Variants in DOCK4 observed in about 807,000 individuals in gnomAD.
DOCK4 encodes dedicator of cytokinesis protein 4.
Under a neutral mutation model 268.1 loss-of-function variants are expected in DOCK4, and 97 were observed. That is an observed-to-expected ratio of 0.36 (90% CI 0.31 to 0.43). The LOEUF (loss-of-function observed/expected upper bound fraction) is 0.43. Ranked by LOEUF, DOCK4 falls within the 20% of genes least tolerant of loss-of-function variation. The probability of loss-of-function intolerance (pLI) is 1.00; values close to 1 mark genes in which losing one functional copy is unlikely to be tolerated. For missense variants in DOCK4, 2,145 were observed against 2,455.7 expected (o/e 0.87, Z 2.67); for synonymous variants, 954 against 887.2 (o/e 1.08, Z -1.34).
intron 13 of DOCK4, among the ~76,000 whole-genome samples, chr7:111,907,476 G>A (rs77276339): frequency 0.012 from 1,837 of 152,246 alleles, 32 homozygotes; most frequent in African/African-American, 0.04. Context: ...GGGCAGTGGG[G>A]ACCGTAAGCT....
intron 8 of DOCK4, chr7:111,976,692 G>A (rs1224136005): frequency 6.6e-6 from 1 of 152,210 alleles, no homozygotes; most frequent in Non-Finnish European, 1.5e-5. Context: ...TAATGGGAAG[G>A]TTTCTAAGTA....
At chr7:111,905,678 CATGT>C (rs1791501557) in intron 13 of DOCK4, among the ~76,000 whole-genome samples, 1 of 118,640 alleles carries the variant, frequency 8.4e-6, no homozygotes, top group African/African-American at 4.0e-5. Flanking sequence ...TATATATATG[CATGT>C]ATGTGTGTGT....
At chr7:111,938,845 T>C (rs1485609346) in intron 11 of DOCK4, among the ~76,000 whole-genome samples, 2 of 151,866 alleles carry the variant, frequency 1.3e-5, no homozygotes, top group African/African-American at 2.4e-5. Flanking sequence ...CATGGTGGCA[T>C]GCGCCTGTAA....
intron 52 of DOCK4, among the ~76,000 whole-genome samples, chr7:111,730,396 G>C (rs17158768): frequency 0.013 from 1,968 of 152,184 alleles, 21 homozygotes; most frequent in African/African-American, 0.023. Flanking sequence ...GTGTTCTATG[G>C]TATACACTTT....
chr7:112,021,780 C>G (rs762118929), intron 1 of DOCK4, among the ~76,000 whole-genome samples: 1 of 152,104 alleles, frequency 6.6e-6, no homozygotes, highest in Non-Finnish European at 1.5e-5. Flanking sequence ...TCAAACACAA[C>G]TATACACAAA....
At chr7:111,907,559 T>A (rs899936861) in intron 13 of DOCK4, among the ~76,000 whole-genome samples, 89 of 152,118 alleles carry the variant, frequency 5.9e-4, no homozygotes, top group African/African-American at 2.0e-3. Flanking sequence ...GGTGACACAT[T>A]AGAATCTCGG....
In DOCK4 at chr7:111,952,835, T is replaced by C. The variant is rs140058889; in HGVS notation, c.702-7037A>G. Among the ~76,000 whole-genome samples the C allele has an allele frequency of 4.0e-3, 602 of 152,314 alleles. 6 individuals carry two copies. Among genetic ancestry groups the C allele is most frequent in the African/African-American group, 0.014 (564 of 41,564 alleles). On this transcript the variant is annotated intron_variant, in intron 8 of 52. Transcript: ENST00000428084. ...CTATTAAACTAATTGGAAAAACAAC[T>C]GTCATTTTTTTTATACTCAAACCAA... is the stretch of plus-strand genomic sequence containing the variant.
intron 8 of DOCK4, among the ~76,000 whole-genome samples, chr7:111,970,430 T>C (rs1178303314): frequency 6.6e-6 from 1 of 152,160 alleles, no homozygotes; most frequent in Non-Finnish European, 1.5e-5. Flanking sequence ...AATTAATATT[T>C]CTTAAAGAGC....
intron 1 of DOCK4, among the ~76,000 whole-genome samples, chr7:112,144,080 A>C (rs1262433253): frequency 6.6e-6 from 1 of 151,950 alleles, no homozygotes; most frequent in African/African-American, 2.4e-5. Context: ...CTTTTGGGGG[A>C]CTCAGTTTCC....
rs150085738 is a variant in DOCK4, at chr7:111,803,382, T to C, written c.3166+5439A>G. The stretch of plus-strand genomic sequence containing the variant: ...ATTTAAATGATTTCTTTTTAAACCA[T>C]AGATTTAGTATACTTTCTCTACCTC... On this transcript the variant is annotated intron_variant, in intron 30 of 52. Transcript: ENST00000428084. Among the ~76,000 whole-genome samples, 586 of 152,320 alleles carry C rather than the reference T, an allele frequency of 3.8e-3. 2 individuals carry two copies. The highest frequency in any genetic ancestry group is 0.014 in the African/African-American group (568 of 41,566).
intron 8 of DOCK4, among the ~76,000 whole-genome samples, chr7:111,946,725 G>A (rs1468266164): frequency 6.6e-6 from 1 of 152,080 alleles, no homozygotes; most frequent in African/African-American, 2.4e-5. Context: ...GGGATTACAG[G>A]TGCACACCAC....
intron 1 of DOCK4, among the ~76,000 whole-genome samples, chr7:112,112,353 G>C (rs1266355496): frequency 6.6e-6 from 1 of 152,116 alleles, no homozygotes; most frequent in Non-Finnish European, 1.5e-5. Flanking sequence ...AGAAGAAGAC[G>C]CTGGAGCTGG....
At chr7:112,129,392 T>C (rs2116068129) in intron 1 of DOCK4, among the ~76,000 whole-genome samples, 1 of 152,234 alleles carries the variant, frequency 6.6e-6, no homozygotes, top group East Asian at 1.9e-4. Flanking sequence ...GGTACACCTA[T>C]AAAGGGGCAG....
chr7:111,826,937 T>C (rs1802444329), intron 26 of DOCK4, among the ~76,000 whole-genome samples: 1 of 152,068 alleles, frequency 6.6e-6, no homozygotes, highest in Non-Finnish European at 1.5e-5. Context: ...AAAATTAGGC[T>C]TGTGAAACAG....
chr7:112,056,704 G>A (rs1805850231), intron 1 of DOCK4, among the ~76,000 whole-genome samples: 1 of 152,052 alleles, frequency 6.6e-6, no homozygotes, highest in Admixed American at 6.5e-5. Flanking sequence ...AAAGATCCCT[G>A]GAAAGAAAAC....
rs1794862125 is a variant in DOCK4, at chr7:111,728,853, C to G, written c.5482-133G>C. On this transcript the variant is annotated intron_variant, in intron 52 of 52. Coordinates refer to ENST00000428084, the MANE Select transcript of DOCK4 (RefSeq NM_001363540.2). ...AAGCCGGCTGCAGCAGGAGATGCAGCCTTTAAGGAGGTGATTAAGGTAAAA... is the reference window on the plus strand; with the variant it reads ...AAGCCGGCTGCAGCAGGAGATGCAGGCTTTAAGGAGGTGATTAAGGTAAAA... 5 of 802,218 alleles carry G rather than the reference C, an allele frequency of 6.2e-6. No individual in the cohort carries two copies. The East Asian group carries it at 1.3e-4, about 22-fold the overall frequency. 49.7% of individuals were successfully genotyped at this position (802,218 alleles called of 1,614,324 possible). A position where few individuals can be genotyped will look rare whatever the true frequency, so the allele number is the denominator to read the frequency against.
chr7:111,747,120 G>A (rs1796329866), intron 43 of DOCK4, 147 bp downstream of exon 43: 4 of 628,868 alleles, frequency 6.4e-6, no homozygotes, highest in Non-Finnish European at 1.0e-5. Flanking sequence ...ATGACTGTAT[G>A]TTTGCTCTAT....
intron 1 of DOCK4, among the ~76,000 whole-genome samples, chr7:112,041,605 T>C (rs2135509134): frequency 6.6e-6 from 1 of 152,338 alleles, no homozygotes; most frequent in Non-Finnish European, 1.5e-5. Context: ...ATACCATTTC[T>C]ACTCTACCCA....
intron 24 of DOCK4, among the ~76,000 whole-genome samples, chr7:111,846,615 G>A (rs1372434458): frequency 6.6e-6 from 1 of 151,366 alleles, no homozygotes; most frequent in African/African-American, 2.5e-5. Flanking sequence ...CCACAGCCAA[G>A]TTCTGAGTAT....
Sources: gnomAD v4.1 joint callset for allele counts (sites outside exome capture counted in the v4.1 genomes callset) on GRCh38, gnomAD v4.1.1 for gene constraint, MANE v1.5 for transcripts, NCBI Gene and HGNC (gene_info 2026-07-23, HGNC 2026-07-21) for gene names.